The following CSMD1 variants were observed in gnomAD, a reference collection of about 807,000 sequenced individuals.
CSMD1 encodes the protein CUB and sushi domain-containing protein 1.
In CSMD1, 213 loss-of-function variants were observed where a neutral mutation model predicts 417.5. The ratio of observed to expected loss-of-function variants is 0.51; its 90% CI spans 0.46 to 0.57. The LOEUF (loss-of-function observed/expected upper bound fraction) is 0.57. Among genes scored for constraint, CSMD1 ranks in the 20% least tolerant of loss-of-function variants. The pLI, the probability that CSMD1 is intolerant of heterozygous loss-of-function variation, is 0.00. For missense variants in CSMD1, 6,923 were observed against 4,529.7 expected, an observed-to-expected ratio of 1.53 and a Z score of -15.17; for synonymous variants, 2,862 against 1,736.8, an observed-to-expected ratio of 1.65 and a Z score of -16.11.
At chr8:2,981,690 C>T (rs985731418) in intron 54 of CSMD1, among the ~76,000 whole-genome samples, 3 of 152,100 alleles carry the variant, frequency 2.0e-5, no homozygotes, top group African/African-American at 7.2e-5. Flanking sequence ...ATACATTCAG[C>T]CCAGCAGGGA....
chr8:4,763,144 G>A (rs1209417151), intron 1 of CSMD1, among the ~76,000 whole-genome samples: 1 of 152,148 alleles, frequency 6.6e-6, no homozygotes. Flanking sequence ...GGTTAATACA[G>A]GAAATAAAAA....
intron 1 of CSMD1, among the ~76,000 whole-genome samples, chr8:4,809,491 T>C (rs929577583): frequency 1.3e-5 from 2 of 152,122 alleles, no homozygotes; most frequent in African/African-American, 2.4e-5. Flanking sequence ...GGATTGCCAA[T>C]AGACATGAAT....
intron 38 of CSMD1, among the ~76,000 whole-genome samples, chr8:3,158,562 C>G (rs1369085709): frequency 6.6e-6 from 1 of 152,022 alleles, no homozygotes; most frequent in East Asian, 1.9e-4. Context: ...ACCCTCATCA[C>G]TCAGGGTCTC....
At chr8:3,044,109 T>C (rs977918406) in intron 50 of CSMD1, among the ~76,000 whole-genome samples, 4 of 152,194 alleles carry the variant, frequency 2.6e-5, no homozygotes, top group Non-Finnish European at 4.4e-5. Flanking sequence ...GATTATGTTA[T>C]ATTCTTTTAA....
chr8:4,829,965 C>T (rs2117436415), intron 1 of CSMD1, among the ~76,000 whole-genome samples: 1 of 152,212 alleles, frequency 6.6e-6, no homozygotes, highest in East Asian at 1.9e-4. Context: ...AAAAATTTTG[C>T]TTACAAACAT....
intron 10 of CSMD1, among the ~76,000 whole-genome samples, chr8:3,544,292 A>G: frequency 6.6e-6 from 1 of 152,204 alleles, no homozygotes; most frequent in South Asian, 2.1e-4. Context: ...TTTGCTTTAA[A>G]GAAAATAATA....
At chr8:4,686,900 G>A (rs1290634802) in intron 1 of CSMD1, among the ~76,000 whole-genome samples, 3 of 152,166 alleles carry the variant, frequency 2.0e-5, no homozygotes, top group Admixed American at 6.5e-5. Context: ...AGACAGAGGT[G>A]GATTTCCTGG....
intron 41 of CSMD1, among the ~76,000 whole-genome samples, chr8:3,141,476 C>T (rs1462928380): frequency 2.6e-5 from 4 of 152,144 alleles, no homozygotes; most frequent in Non-Finnish European, 4.4e-5. Flanking sequence ...TCTGTCTTTG[C>T]AGGACTAACA....
At chr8:4,826,204 A>T (rs955878179) in intron 1 of CSMD1, among the ~76,000 whole-genome samples, 11 of 152,112 alleles carry the variant, frequency 7.2e-5, no homozygotes, top group African/African-American at 2.7e-4. Flanking sequence ...TTGTTGCCTT[A>T]TTCACAATTG....
At chr8:3,500,870 T>C (rs1051976864) in intron 10 of CSMD1, among the ~76,000 whole-genome samples, 1 of 152,174 alleles carries the variant, frequency 6.6e-6, no homozygotes, top group Non-Finnish European at 1.5e-5. Context: ...CTCAGGTATC[T>C]TAACTAACAT....
chr8:3,682,452 C>G (rs1461960538), intron 7 of CSMD1, among the ~76,000 whole-genome samples: 2 of 152,182 alleles, frequency 1.3e-5, no homozygotes, highest in Non-Finnish European at 2.9e-5. Flanking sequence ...TGCTCATCAT[C>G]ACCGGCCATC....
chr8:3,930,755 T>G (rs1810084448), intron 5 of CSMD1, among the ~76,000 whole-genome samples: 1 of 150,486 alleles, frequency 6.6e-6, no homozygotes, highest in South Asian at 2.1e-4. Context: ...AAGTGCTACT[T>G]CTTTACGGCA....
chr8:3,170,451 G>A (rs992962814), intron 37 of CSMD1, among the ~76,000 whole-genome samples: 9 of 152,028 alleles, frequency 5.9e-5, no homozygotes, highest in South Asian at 2.1e-4. Context: ...CTTGTCATCC[G>A]CCCGCCTCGG....
At chr8:4,208,220 C>G (rs951893583) in intron 3 of CSMD1, among the ~76,000 whole-genome samples, 4 of 152,070 alleles carry the variant, frequency 2.6e-5, no homozygotes, top group Non-Finnish European at 5.9e-5. Context: ...TTTCTTCTTG[C>G]TTTGAAAGGT....
intron 2 of CSMD1, among the ~76,000 whole-genome samples, chr8:4,470,823 C>T (rs1800487189): frequency 6.6e-6 from 1 of 152,090 alleles, no homozygotes; most frequent in Non-Finnish European, 1.5e-5. Context: ...TTATCTGAAT[C>T]GATGTTGTCT....
rs764144263 is a variant in CSMD1, at chr8:3,396,311, C to T, written c.2476G>A (p.Gly826Ser). Residue 826 changes from glycine (G) to serine (S), a missense_variant, in exon 17 of 70, where the codon GGC becomes AGC. Physicochemically the swap from Gly to Ser is moderately conservative, Grantham distance 56. Coordinates refer to ENST00000635120, the MANE Select transcript of CSMD1 (RefSeq NM_033225.6). The stretch of plus-strand genomic sequence containing the variant: ...GGTGCCTGGGTGCCGTGGTACTCGC[C>T]GATCAGTGGGGACGAACTGGCTGGC... ...DGPASSSPLI[G>S]EYHGTQAPQF... The T allele has an allele frequency of 6.8e-6, 11 of 1,607,450 alleles. No homozygotes were observed. The highest frequency in any genetic ancestry group is 2.2e-5 in the East Asian group (1 of 44,684).
intron 5 of CSMD1, among the ~76,000 whole-genome samples, chr8:3,991,373 T>C (rs143596618): frequency 6.6e-6 from 1 of 152,186 alleles, no homozygotes; most frequent in Non-Finnish European, 1.5e-5. Context: ...AAGACTTCAG[T>C]GCGTCACGGT....
At chr8:4,129,721 G>C (rs967266202) in intron 3 of CSMD1, among the ~76,000 whole-genome samples, 3 of 151,920 alleles carry the variant, frequency 2.0e-5, no homozygotes, top group Non-Finnish European at 4.4e-5. Context: ...TCAGTATTCA[G>C]TTTTCTTGGG....
intron 1 of CSMD1, among the ~76,000 whole-genome samples, chr8:4,897,855 A>G (rs1804606487): frequency 6.6e-6 from 1 of 152,254 alleles, no homozygotes; most frequent in South Asian, 2.1e-4. Flanking sequence ...GAGAAAGGCA[A>G]TCTAGATTTT....
Sources: allele counts gnomAD v4.1 joint callset (sites outside exome capture counted in the v4.1 genomes callset), GRCh38; gene constraint gnomAD v4.1.1; transcripts MANE v1.5; gene names NCBI Gene and HGNC (gene_info 2026-07-23, HGNC 2026-07-21).